The following GLIS3 variants were observed in gnomAD, a reference collection of about 807,000 sequenced individuals.
GLIS3 encodes the protein GLIS family zinc finger 3, also known as zinc finger protein GLIS3.
A neutral mutation model predicts 78.6 loss-of-function variants in GLIS3; 53 were observed. The ratio of observed to expected loss-of-function variants is 0.67; its 90% CI spans 0.54 to 0.85. The LOEUF is 0.85. Ranked by LOEUF, GLIS3 falls within the 40% of genes least tolerant of loss-of-function variation. The pLI is 0.00. For synonymous variants in GLIS3, 684 were observed against 509.9 expected (o/e 1.34, Z -4.60); for missense variants, 1,703 against 1,231.1 (o/e 1.38, Z -5.74).
rs1819786371 is a variant in GLIS3 at position 3,856,296 on chromosome 9, A to C, written c.2298-112T>G. The C allele has an allele frequency of 2.4e-5, 23 of 952,754 alleles. No homozygotes were observed. In the South Asian group the frequency reaches 3.3e-4, roughly 14 times the overall value. 59.0% of individuals were successfully genotyped at this position (952,754 alleles called of 1,614,324 possible). A position where few individuals can be genotyped will look rare whatever the true frequency, so the allele number is the denominator to read the frequency against. On this transcript the variant is annotated intron_variant, in intron 8 of 10. Coordinates refer to ENST00000381971, the MANE Select transcript of GLIS3 (RefSeq NM_001042413.2). ...CATTCTGGCTATACAAGAGCGTGAC[A>C]ACAAGCCTTTTAAAAAAAAATCTTT...
At chr9:4,028,079 T>C (rs1823498699) in intron 4 of GLIS3, among the ~76,000 whole-genome samples, 1 of 152,136 alleles carries the variant, frequency 6.6e-6, no homozygotes. Context: ...CATTCATCCT[T>C]TAAATAAATA....
chr9:4,332,653 A>G (rs1235127106), intron 2 of GLIS3, among the ~76,000 whole-genome samples: 1 of 152,064 alleles, frequency 6.6e-6, no homozygotes, highest in African/African-American at 2.4e-5. Context: ...TAAACTACCA[A>G]CCTACCTCTG....
intron 2 of GLIS3, among the ~76,000 whole-genome samples, chr9:4,317,846 C>T (rs12336366): frequency 0.031 from 4,706 of 152,266 alleles, 217 homozygotes; most frequent in African/African-American, 0.097. Context: ...AAAGAGTACT[C>T]TGTAAACTTT....
chr9:3,999,810 C>G (rs1312329532), intron 4 of GLIS3, among the ~76,000 whole-genome samples: 1 of 152,028 alleles, frequency 6.6e-6, no homozygotes, highest in Admixed American at 6.6e-5. Context: ...ACAGCCAAGT[C>G]AGGTTTAAAG....
intron 2 of GLIS3, among the ~76,000 whole-genome samples, chr9:4,242,572 C>A (rs1430977752): frequency 1.3e-5 from 2 of 152,160 alleles, no homozygotes; most frequent in African/African-American, 2.4e-5. Context: ...TCACAACAGG[C>A]TCCCCATACC....
At chr9:4,092,901 C>T (rs1243805881) in intron 4 of GLIS3, among the ~76,000 whole-genome samples, 2 of 152,276 alleles carry the variant, frequency 1.3e-5, no homozygotes, top group East Asian at 3.9e-4. Flanking sequence ...TATTTTTATA[C>T]AACTGGCAGT....
At chr9:4,473,139 C>G in the GLIS3 span, among the ~76,000 whole-genome samples, 34 of 152,158 alleles carry the variant, frequency 2.2e-4, no homozygotes, top group African/African-American at 8.2e-4. Flanking sequence ...TTCACAATAG[C>G]CAAGACATGG....
At chr9:4,256,369 G>C (rs571573797) in intron 2 of GLIS3, among the ~76,000 whole-genome samples, 1 of 152,266 alleles carries the variant, frequency 6.6e-6, no homozygotes, top group South Asian at 2.1e-4. Flanking sequence ...ATTTGCATAA[G>C]CTAAGAAAAT....
chr9:3,956,028 C>CAAAAAAAA (rs5896037), intron 4 of GLIS3, among the ~76,000 whole-genome samples: 29 of 87,568 alleles, frequency 3.3e-4, no homozygotes, highest in South Asian at 1.3e-3. Flanking sequence ...CCAGATTCAG[C>CAAAAAAAA]AAAAAAAAAA....
chr9:3,986,153 G>C (rs141993710), intron 4 of GLIS3, among the ~76,000 whole-genome samples: 1 of 152,328 alleles, frequency 6.6e-6, no homozygotes, highest in African/African-American at 2.4e-5. Context: ...GTGAACAGTG[G>C]TGTTTTGCAT....
chr9:4,360,629 T>G, the GLIS3 span, among the ~76,000 whole-genome samples: 1 of 152,218 alleles, frequency 6.6e-6, no homozygotes, highest in South Asian at 2.1e-4. Context: ...ATGAGAGATA[T>G]CCAGTCCTTT....
chr9:4,118,972 C>G lies in GLIS3; in HGVS notation c.597-91G>C, dbSNP rs547862230. 2 of 1,325,906 alleles carry G rather than the reference C, an allele frequency of 1.5e-6. No homozygotes were observed. The highest frequency in any genetic ancestry group is 4.0e-5 in the Admixed American group (2 of 50,332). The allele number at this position is 1,325,906 out of a possible 1,614,324, so 82.1% of individuals were successfully genotyped here. A position where few individuals can be genotyped will look rare whatever the true frequency, so the allele number is the denominator to read the frequency against. On this transcript the variant is annotated intron_variant, in intron 3 of 10. Transcript: ENST00000381971. This position sits in a 1 kb window ranked among gnomAD's most constrained non-coding sequence, Gnocchi z 4.7. ...AAGAGCTAAAAGAACACTGCATTGA[C>G]AATCCCTTAAGTATTTCCCCTAATT...
the GLIS3 span, among the ~76,000 whole-genome samples, chr9:4,436,794 G>A: frequency 9.1e-6 from 1 of 110,448 alleles, no homozygotes; most frequent in African/African-American, 3.6e-5. Flanking sequence ...GCCTGGGCAA[G>A]AGTGAGACTG....
chr9:4,477,718 G>T, the GLIS3 span, among the ~76,000 whole-genome samples: 1 of 152,104 alleles, frequency 6.6e-6, no homozygotes, highest in Non-Finnish European at 1.5e-5. Flanking sequence ...CTGGCTAGAG[G>T]TTAGTGTTTA....
At chr9:3,908,701 TA>T in intron 6 of GLIS3, among the ~76,000 whole-genome samples, 2 of 105,900 alleles carry the variant, frequency 1.9e-5, no homozygotes, top group Non-Finnish European at 3.9e-5. Context: ...TTGTGATTTG[TA>T]TTTGTTTTTT....
chr9:4,257,649 C>G (rs543791016), intron 2 of GLIS3, among the ~76,000 whole-genome samples: 1 of 151,932 alleles, frequency 6.6e-6, no homozygotes, highest in East Asian at 1.9e-4. Flanking sequence ...TCTCGGCTCA[C>G]TGCAAGCTCC....
At chr9:4,161,727 G>C (rs1421343168) in intron 2 of GLIS3, among the ~76,000 whole-genome samples, 3 of 144,856 alleles carry the variant, frequency 2.1e-5, no homozygotes, top group Non-Finnish European at 4.5e-5. Context: ...GCCCAAGCTG[G>C]AGTACAGTGG....
At chr9:3,915,171 A>C (rs994214558) in intron 6 of GLIS3, among the ~76,000 whole-genome samples, 1 of 152,028 alleles carries the variant, frequency 6.6e-6, no homozygotes, top group Non-Finnish European at 1.5e-5. Context: ...GCCTGTATAG[A>C]CTCTGCCAAA....
the GLIS3 span, among the ~76,000 whole-genome samples, chr9:4,380,001 G>T: frequency 6.6e-6 from 1 of 152,064 alleles, no homozygotes; most frequent in Non-Finnish European, 1.5e-5. Flanking sequence ...TCTTGGCTTT[G>T]CAAGTAACTA....
Sources: gnomAD v4.1 joint callset for allele counts (sites outside exome capture counted in the v4.1 genomes callset) on GRCh38, gnomAD v4.1.1 for gene constraint, Gnocchi (gnomAD v3.1) non-coding constraint, MANE v1.5 for transcripts, NCBI Gene and HGNC (gene_info 2026-07-23, HGNC 2026-07-21) for gene names.